Variants in RASGRF1 observed in about 807,000 individuals in gnomAD.
RASGRF1 encodes ras-specific guanine nucleotide-releasing factor 1.
Under a neutral mutation model 138.7 loss-of-function variants are expected in RASGRF1, and 40 were observed. The ratio of observed to expected loss-of-function variants is 0.29; its 90% CI spans 0.22 to 0.38. RASGRF1 has a LOEUF of 0.38. Ranked by LOEUF, RASGRF1 falls within the 10% of genes least tolerant of loss-of-function variation. The probability of loss-of-function intolerance (pLI) is 1.00; values close to 1 mark genes in which losing one functional copy is unlikely to be tolerated. For missense variants in RASGRF1, 1,108 were observed against 1,650.4 expected (o/e 0.67, Z 5.69); for synonymous variants, 614 against 663.2 (o/e 0.93, Z 1.14).
At chr15:79,052,503 T>G (rs1443320513) in intron 3 of RASGRF1, among the ~76,000 whole-genome samples, 1 of 152,166 alleles carries the variant, frequency 6.6e-6, no homozygotes, top group African/African-American at 2.4e-5. Context: ...CATGCTCTGA[T>G]GGTGTCTGTG....
rs964240091 is a variant in RASGRF1, at chr15:79,046,652, G to A, written c.878+94C>T. The A allele has an allele frequency of 1.0e-5, 16 of 1,557,824 alleles. No homozygotes were observed. Among genetic ancestry groups the A allele is most frequent in the African/African-American group, 4.1e-5 (3 of 74,050 alleles). The stretch of plus-strand genomic sequence containing the variant: ...TCCTCTCTGGGCCTCATCTGCACTC[G>A]GTGGGAACCACGTGAGAGAGTGTGT... On this transcript the variant is annotated intron_variant, in intron 5 of 26. Transcript: ENST00000558480. The surrounding 1 kb of genome is among the most constrained non-coding windows in gnomAD (Gnocchi z 5.3).
intron 16 of RASGRF1, 130 bp downstream of exon 16, chr15:79,001,532 G>A (rs886314279): frequency 5.8e-6 from 7 of 1,206,894 alleles, no homozygotes; most frequent in Admixed American, 4.8e-5. Context: ...TGAAATATCA[G>A]AAAAGTTACT....
Position 79,068,141 on chromosome 15 carries a change from G to A in RASGRF1, c.277-3615C>T, listed in dbSNP as rs1457028434. Among the ~76,000 whole-genome samples, 3 of 152,282 alleles carry A rather than the reference G, an allele frequency of 2.0e-5. No homozygotes were observed. In the South Asian group the frequency reaches 6.2e-4, roughly 32 times the overall value. On this transcript the variant is annotated intron_variant, in intron 1 of 26. Transcript: ENST00000558480. The stretch of plus-strand genomic sequence containing the variant: ...CAGCCACGGTGGAGGTAGGTGGCAC[G>A]ACCCCACTTCACAGAGGGGGCTGAG...
rs189282363 is a variant in RASGRF1, at chr15:79,039,410, T to C, written c.879-4200A>G. 8.6e-3 allele frequency among the ~76,000 whole-genome samples: 1,304 copies of C among 152,248 alleles called. 13 individuals are homozygous for C. Among genetic ancestry groups the C allele is most frequent in the African/African-American group, 0.03 (1,266 of 41,560 alleles). ...GATTAGTCTTAGGTTGTTTTTGTTA[T>C]TTTACAATATATTTATAAGCCTTTA... is the stretch of plus-strand genomic sequence containing the variant. On this transcript the variant is annotated intron_variant, in intron 5 of 26. Transcript: ENST00000558480.
intron 13 of RASGRF1, among the ~76,000 whole-genome samples, chr15:79,009,863 T>C (rs1374282227): frequency 2.6e-5 from 4 of 151,886 alleles, no homozygotes; most frequent in Non-Finnish European, 1.5e-5. Flanking sequence ...TAGCTGGGAT[T>C]ACAGGTGCCC....
chr15:78,985,371 T>C (rs2056130534), intron 22 of RASGRF1, 167 bp from the exon 23 acceptor site: 2 of 675,866 alleles, frequency 3.0e-6, no homozygotes, highest in African/African-American at 1.8e-5. Flanking sequence ...AAAGGTTCAA[T>C]ATACAAAAAT....
rs148047104 is a variant in RASGRF1, at chr15:79,028,987, A to G, written c.1263-1128T>C. Reference sequence around the variant, plus strand: ...CTGGGGCAAAGGTGGAATAAAAGGGATTTCAGGTACCCGTGCATGCTATGC... The same window carrying G: ...CTGGGGCAAAGGTGGAATAAAAGGGGTTTCAGGTACCCGTGCATGCTATGC... On this transcript the variant is annotated intron_variant, in intron 8 of 26. Transcript: ENST00000558480. Among the ~76,000 whole-genome samples the G allele has an allele frequency of 1.0e-3, 152 of 152,306 alleles. 1 individual carries two copies. The highest frequency in any genetic ancestry group is 1.9e-3 in the Non-Finnish European group (131 of 68,024).
intron 9 of RASGRF1, among the ~76,000 whole-genome samples, chr15:79,026,362 C>A (rs762192704): frequency 6.6e-6 from 1 of 152,102 alleles, no homozygotes; most frequent in Admixed American, 6.5e-5. Context: ...TCCTGCTTAT[C>A]CTTGGGAAAG....
chr15:79,050,457 C>A lies in RASGRF1; in HGVS notation c.532-869G>T, dbSNP rs973093377. ...AACAAAATTGTATCTGGATATAAAT[C>A]AGATAGAGCAGGTGGCTCCGGGTGA... On this transcript the variant is annotated intron_variant, in intron 3 of 26. Transcript: ENST00000558480. The surrounding 1 kb of genome is among the most constrained non-coding windows in gnomAD (Gnocchi z 4.1). Among the ~76,000 whole-genome samples, 3 of 152,154 alleles carry A rather than the reference C, an allele frequency of 2.0e-5. No homozygotes were observed. The highest frequency in any genetic ancestry group is 4.4e-5 in the Non-Finnish European group (3 of 68,032).
At chr15:79,007,321 T>TA (rs1249924555) in intron 13 of RASGRF1, among the ~76,000 whole-genome samples, 2 of 152,206 alleles carry the variant, frequency 1.3e-5, no homozygotes, top group Admixed American at 6.5e-5. Context: ...CTCTGGTGCT[T>TA]ACGCCACTGG....
chr15:78,981,616 A>T (rs1211155800), intron 23 of RASGRF1: 1 of 152,206 alleles, frequency 6.6e-6, no homozygotes, highest in Non-Finnish European at 1.5e-5. Flanking sequence ...ACTGAGAAGG[A>T]CAATCTAAGT....
At chr15:79,076,166 G>A (rs2057830928) in intron 1 of RASGRF1, among the ~76,000 whole-genome samples, 1 of 152,110 alleles carries the variant, frequency 6.6e-6, no homozygotes, top group Non-Finnish European at 1.5e-5. Context: ...TCATAATGAT[G>A]TTCTGATTAT....
In RASGRF1 at chr15:78,966,792, G is replaced by A. The variant is rs892117223; in HGVS notation, c.3682-4556C>T. On this transcript the variant is annotated intron_variant, in intron 26 of 26. Coordinates refer to ENST00000558480, the MANE Select transcript of RASGRF1 (RefSeq NM_001145648.3). ...ATCCAGTGCAGCAGCCATTAGCCAC[G>A]TGTAGCTACTGAGCACTTGAAACAG... is the stretch of plus-strand genomic sequence containing the variant. Among the ~76,000 whole-genome samples, 13 of 152,228 alleles carry A rather than the reference G, an allele frequency of 8.5e-5. No homozygotes were observed. In the East Asian group the frequency reaches 1.4e-3, roughly 16 times the overall value.
At chr15:78,990,159 A>C in intron 22 of RASGRF1, 30 bp downstream of exon 22, 1 of 1,514,524 alleles carries the variant, frequency 6.6e-7, no homozygotes, top group South Asian at 1.1e-5. Context: ...GAAAAACCCC[A>C]GTGAGAGAGG....
intron 23 of RASGRF1, 92 bp from the exon 24 acceptor site, chr15:78,980,791 A>C: frequency 1.1e-6 from 1 of 939,742 alleles, no homozygotes; most frequent in Non-Finnish European, 1.6e-6. Context: ...ATGCTGCCCA[A>C]CAGGGCTCCA....
At chr15:79,043,186 C>T (rs1017755924) in intron 5 of RASGRF1, among the ~76,000 whole-genome samples, 10 of 152,156 alleles carry the variant, frequency 6.6e-5, no homozygotes, top group Non-Finnish European at 1.3e-4. Flanking sequence ...CAATGTTGAA[C>T]CAGCCTTGCA....
rs1297642940 is a variant in RASGRF1, at chr15:79,032,415, G to A, written c.959-99C>T. 1 of 1,238,922 alleles carries A rather than the reference G, an allele frequency of 8.1e-7. No homozygotes were observed. The allele number at this position is 1,238,922 out of a possible 1,614,324, so 76.7% of individuals were successfully genotyped here. On this transcript the variant is annotated intron_variant, in intron 6 of 26. Coordinates refer to ENST00000558480, the MANE Select transcript of RASGRF1 (RefSeq NM_001145648.3). The surrounding 1 kb of genome is among the most constrained non-coding windows in gnomAD (Gnocchi z 4.5). Reference sequence around the variant, plus strand: ...CCCAGCTACACCCAGAGAGGCCAGGGGCCAGGTTCAAGTTCCCCACCCCAG... The same window carrying A: ...CCCAGCTACACCCAGAGAGGCCAGGAGCCAGGTTCAAGTTCCCCACCCCAG...
intron 13 of RASGRF1, among the ~76,000 whole-genome samples, chr15:79,010,752 C>T (rs889816456): frequency 2.0e-5 from 3 of 152,176 alleles, no homozygotes; most frequent in Non-Finnish European, 4.4e-5. Flanking sequence ...TTGAGTCTAC[C>T]TGCTCTTGAG....
chr15:79,080,071 T>C (rs7183818), intron 1 of RASGRF1, among the ~76,000 whole-genome samples: 81,172 of 152,176 alleles, frequency 0.53, 24,172 homozygotes, highest in African/African-American at 0.81. Flanking sequence ...TATGTAAGCT[T>C]CTGGGACACA....
Sources: allele counts gnomAD v4.1 joint callset (sites outside exome capture counted in the v4.1 genomes callset), GRCh38; gene constraint gnomAD v4.1.1; non-coding constraint Gnocchi (gnomAD v3.1); transcripts MANE v1.5; gene names NCBI Gene and HGNC (gene_info 2026-07-23, HGNC 2026-07-21).